Variants in RUNX1 observed in about 807,000 individuals in gnomAD.
RUNX1 encodes runt-related transcription factor 1.
RUNX1 carries 19 observed loss-of-function variants against 42.8 expected under a neutral mutation model. The ratio of observed to expected loss-of-function variants is 0.44; its 90% CI spans 0.31 to 0.65. RUNX1 has a LOEUF of 0.65. RUNX1 is among the 30% of genes least tolerant of loss of function. RUNX1 has a pLI of 0.07. For synonymous variants in RUNX1, 271 were observed against 289.4 expected (o/e 0.94, Z 0.64); for missense variants, 528 against 672.0 (o/e 0.79, Z 2.37).
chr21:34,795,930 C>G (rs1412868765), intron 8 of RUNX1, among the ~76,000 whole-genome samples: 1 of 152,210 alleles, frequency 6.6e-6, no homozygotes. Context: ...AATGACTCTG[C>G]CCATTATTCC....
intron 5 of RUNX1, 43 bp downstream of exon 5, chr21:34,880,514 G>A (rs373596500): frequency 8.1e-6 from 13 of 1,598,818 alleles, no homozygotes; most frequent in Middle Eastern, 3.3e-4. Flanking sequence ...TGGGTTTGTT[G>A]CCATGAAACG....
At chr21:34,951,910 A>G (rs2058611132) in intron 2 of RUNX1, among the ~76,000 whole-genome samples, 1 of 152,214 alleles carries the variant, frequency 6.6e-6, no homozygotes, top group South Asian at 2.1e-4. Context: ...TCATTCTACT[A>G]TAAAGACACA....
At chr21:35,015,389 G>A (rs1004618597) in intron 2 of RUNX1, among the ~76,000 whole-genome samples, 2 of 152,188 alleles carry the variant, frequency 1.3e-5, no homozygotes, top group Non-Finnish European at 2.9e-5. Flanking sequence ...TTTTTGGTAT[G>A]AGAAGCTCTT....
intron 2 of RUNX1, among the ~76,000 whole-genome samples, chr21:35,029,558 G>A (rs2059259232): frequency 6.6e-6 from 1 of 152,154 alleles, no homozygotes; most frequent in Admixed American, 6.5e-5. Flanking sequence ...CCAGCCCTTG[G>A]CGAGGTATCT....
rs2056444563 is a variant in RUNX1 at position 34,792,076 on chromosome 21, C to T, written c.*59G>A. The T allele has an allele frequency of 3.6e-6, 4 of 1,111,466 alleles. No homozygotes were observed. Among genetic ancestry groups the T allele is most frequent in the East Asian group, 3.6e-5 (1 of 27,476 alleles). 68.9% of individuals were successfully genotyped at this position (1,111,466 alleles called of 1,614,324 possible). Reference sequence around the variant, plus strand: ...GCGGGCTTGTCGCGAACAGGAGGCCCGCGCGCCCGGAGGCGAAGGCGGCGG... The same window carrying T: ...GCGGGCTTGTCGCGAACAGGAGGCCTGCGCGCCCGGAGGCGAAGGCGGCGG... On this transcript the variant is annotated 3_prime_UTR_variant, in exon 9 of 9. Coordinates refer to ENST00000675419, the MANE Select transcript of RUNX1 (RefSeq NM_001754.5). This position sits in a 1 kb window ranked among gnomAD's most constrained non-coding sequence, Gnocchi z 6.9.
intron 5 of RUNX1, among the ~76,000 whole-genome samples, chr21:34,869,278 G>A (rs1465800791): frequency 2.0e-5 from 3 of 152,052 alleles, no homozygotes; most frequent in East Asian, 3.9e-4. Flanking sequence ...ACACCATCTC[G>A]CTTTTATCAT....
chr21:35,010,484 G>T (rs2059117804), intron 2 of RUNX1, among the ~76,000 whole-genome samples: 1 of 152,096 alleles, frequency 6.6e-6, no homozygotes, highest in Non-Finnish European at 1.5e-5. Context: ...TTTTTGCCTG[G>T]CTGTCTGTTG....
At chr21:34,928,945 T>G (rs1320515201) in intron 2 of RUNX1, among the ~76,000 whole-genome samples, 5 of 111,660 alleles carry the variant, frequency 4.5e-5, no homozygotes, top group African/African-American at 1.6e-4. Context: ...GCAAGCTTAT[T>G]TCTACAGATT....
intron 2 of RUNX1, among the ~76,000 whole-genome samples, chr21:34,962,856 G>C (rs2058691169): frequency 6.6e-6 from 1 of 152,218 alleles, no homozygotes; most frequent in Admixed American, 6.5e-5. Flanking sequence ...GACAACCTTG[G>C]TGAGTTTGGC....
chr21:34,842,484 GACCTCTCCA>G (rs1214230187), intron 6 of RUNX1, among the ~76,000 whole-genome samples: 3 of 77,536 alleles, frequency 3.9e-5, no homozygotes, highest in African/African-American at 1.1e-4. Context: ...GACAGAGGGA[GACCTCTCCA>G]AAAAAAAAAA....
Position 34,788,359 on chromosome 21 carries a change from TTC to T in RUNX1, c.*3774_*3775del. On this transcript the variant is annotated 3_prime_UTR_variant, in exon 9 of 9. Transcript: ENST00000675419. ...TAACACAAATAACCAACAGTTCTTTTTCTTTTTTTGCACATTCATTTCCCCTA... is the reference window on the plus strand; with the variant it reads ...TAACACAAATAACCAACAGTTCTTTTTTTTTTTGCACATTCATTTCCCCTA... 4.3e-6 allele frequency: 1 copy of T among 233,516 alleles called. No homozygotes were observed. The highest frequency in any genetic ancestry group is 1.3e-3 in the Middle Eastern group (1 of 784). The allele number at this position is 233,516 out of a possible 1,614,324, so 14.5% of individuals were successfully genotyped here. A position where few individuals can be genotyped will look rare whatever the true frequency, so the allele number is the denominator to read the frequency against.
At position 34,791,768 on chromosome 21, in the gene RUNX1, ATCTT is replaced by A. The variant is rs1057160641; in HGVS notation, c.*363_*366del. On this transcript the variant is annotated 3_prime_UTR_variant, in exon 9 of 9. Coordinates refer to ENST00000675419, the MANE Select transcript of RUNX1 (RefSeq NM_001754.5). ...TAAAAAGTTAAGTCAAGGGTATAAA[ATCTT>A]TCTTTTTATTCACAGCATTGCTAAA... 4.4e-6 allele frequency: 1 copy of A among 226,944 alleles called. No individual in the cohort carries two copies. The highest frequency in any genetic ancestry group is 2.2e-5 in the African/African-American group (1 of 44,880). The allele number at this position is 226,944 out of a possible 1,614,324, so 14.1% of individuals were successfully genotyped here.
intron 2 of RUNX1, among the ~76,000 whole-genome samples, chr21:35,029,431 T>C (rs1412652783): frequency 2.6e-5 from 4 of 152,178 alleles, no homozygotes; most frequent in African/African-American, 9.7e-5. Context: ...AGTGTTTTCA[T>C]TAACAGAGCC....
chr21:34,910,698 C>T (rs781659176), intron 2 of RUNX1, among the ~76,000 whole-genome samples: 1 of 152,162 alleles, frequency 6.6e-6, no homozygotes. Context: ...ATGTCCAGGG[C>T]GGGCTTGCTC....
At chr21:34,966,183 A>T (rs1052492101) in intron 2 of RUNX1, among the ~76,000 whole-genome samples, 3 of 152,346 alleles carry the variant, frequency 2.0e-5, no homozygotes, top group African/African-American at 7.2e-5. Flanking sequence ...TTTGCCCAAG[A>T]TCACAAGGCA....
At chr21:34,832,457 T>C (rs946177625) in intron 7 of RUNX1, among the ~76,000 whole-genome samples, 1 of 152,228 alleles carries the variant, frequency 6.6e-6, no homozygotes, top group African/African-American at 2.4e-5. Context: ...AGACTTTTTG[T>C]TCCCATATCA....
intron 2 of RUNX1, among the ~76,000 whole-genome samples, chr21:34,982,281 C>T (rs1428813154): frequency 6.6e-6 from 1 of 152,024 alleles, no homozygotes; most frequent in Non-Finnish European, 1.5e-5. Flanking sequence ...TCCAAGCTAC[C>T]CAGGGAACTA....
At chr21:34,875,817 G>T (rs991165300) in intron 5 of RUNX1, among the ~76,000 whole-genome samples, 2 of 151,966 alleles carry the variant, frequency 1.3e-5, no homozygotes, top group African/African-American at 2.4e-5. Flanking sequence ...CCTTCCTCTT[G>T]ACCACAGTCT....
At chr21:35,032,417 G>T (rs536836619) in intron 2 of RUNX1, among the ~76,000 whole-genome samples, 1 of 152,268 alleles carries the variant, frequency 6.6e-6, no homozygotes, top group East Asian at 1.9e-4. Flanking sequence ...CATTAAGAAA[G>T]TCTATTTAAG....
Sources: gnomAD v4.1 joint callset for allele counts (sites outside exome capture counted in the v4.1 genomes callset) on GRCh38, gnomAD v4.1.1 for gene constraint, Gnocchi (gnomAD v3.1) non-coding constraint, MANE v1.5 for transcripts, NCBI Gene and HGNC (gene_info 2026-07-23, HGNC 2026-07-21) for gene names.